PTPRA: variants seen among roughly 807,000 people sequenced by gnomAD.
PTPRA encodes the protein protein tyrosine phosphatase receptor type A.
In PTPRA, 25 loss-of-function variants were observed where a neutral mutation model predicts 104.8. That is an observed-to-expected ratio of 0.24 (90% CI 0.17 to 0.33). PTPRA has a LOEUF of 0.33. Among genes scored for constraint, PTPRA ranks in the 10% least tolerant of loss-of-function variants. PTPRA has a pLI of 1.00. For missense variants in PTPRA, 765 were observed against 1,015.3 expected (o/e 0.75, Z 3.35); for synonymous variants, 323 against 368.9 (o/e 0.88, Z 1.43).
At chr20:2,899,307 GAC>G (rs1196703840) in intron 1 of PTPRA, among the ~76,000 whole-genome samples, 1 of 152,166 alleles carries the variant, frequency 6.6e-6, no homozygotes, top group African/African-American at 2.4e-5. Context: ...AGGTATGAAT[GAC>G]ACAGAGAGGC....
intron 11 of PTPRA, among the ~76,000 whole-genome samples, chr20:3,011,438 A>G (rs1002138771): frequency 6.6e-6 from 1 of 152,212 alleles, no homozygotes; most frequent in Admixed American, 6.5e-5. Flanking sequence ...GTAATGTGCT[A>G]CGTGTGCAAA....
chr20:2,909,345 A>G (rs1168378557), intron 1 of PTPRA, among the ~76,000 whole-genome samples: 1 of 152,076 alleles, frequency 6.6e-6, no homozygotes. Context: ...TGTAAATCCC[A>G]GCACTTTGGG....
chr20:2,996,660 G>T (rs2063407111), intron 9 of PTPRA, among the ~76,000 whole-genome samples: 1 of 152,088 alleles, frequency 6.6e-6, no homozygotes, highest in South Asian at 2.1e-4. Flanking sequence ...AAACAATCCA[G>T]TCAAGAAACT....
At chr20:2,895,579 C>T (rs117393910) in intron 1 of PTPRA, among the ~76,000 whole-genome samples, 5,541 of 151,808 alleles carry the variant, frequency 0.037, 151 homozygotes, top group Admixed American at 0.077. Flanking sequence ...TGCAATGGCA[C>T]GATCCTGGCT....
intron 1 of PTPRA, among the ~76,000 whole-genome samples, chr20:2,911,449 G>GTGAA (rs1193664602): frequency 6.6e-6 from 1 of 152,180 alleles, no homozygotes; most frequent in East Asian, 1.9e-4. Flanking sequence ...GATGAACTAT[G>GTGAA]TGAAGCATGC....
chr20:2,983,595 A>G (rs1034468335), intron 6 of PTPRA, among the ~76,000 whole-genome samples: 3 of 150,458 alleles, frequency 2.0e-5, no homozygotes, highest in Admixed American at 6.6e-5. Flanking sequence ...AAAGGCAGAC[A>G]GATTTGAAGT....
intron 2 of PTPRA, among the ~76,000 whole-genome samples, chr20:2,940,328 T>TC (rs2060864211): frequency 6.6e-6 from 1 of 151,988 alleles, no homozygotes; most frequent in East Asian, 1.9e-4. Context: ...TTTTCTTTTT[T>TC]TTTTTTTTAA....
intron 11 of PTPRA, among the ~76,000 whole-genome samples, chr20:3,013,402 G>A (rs1278882760): frequency 6.8e-6 from 1 of 147,838 alleles, no homozygotes; most frequent in South Asian, 2.1e-4. Context: ...ATTTTTAGAT[G>A]TCTAAGAATA....
chr20:3,031,116 C>G (rs1208561215), intron 20 of PTPRA, among the ~76,000 whole-genome samples: 2 of 152,074 alleles, frequency 1.3e-5, no homozygotes, highest in African/African-American at 4.8e-5. Flanking sequence ...CTAGGCCTAG[C>G]CCAACCCTAG....
intron 20 of PTPRA, among the ~76,000 whole-genome samples, chr20:3,028,272 G>A (rs2065249067): frequency 6.6e-6 from 1 of 152,294 alleles, no homozygotes; most frequent in African/African-American, 2.4e-5. Flanking sequence ...TCCCTAAGAA[G>A]GGATTGCCTC....
intron 9 of PTPRA, among the ~76,000 whole-genome samples, chr20:2,990,341 C>T (rs2063115705): frequency 6.6e-6 from 1 of 152,186 alleles, no homozygotes; most frequent in Non-Finnish European, 1.5e-5. Context: ...GGAGACTTCT[C>T]TTGTCACATG....
At chr20:2,876,401 C>T (rs967208623) in intron 1 of PTPRA, among the ~76,000 whole-genome samples, 11 of 152,172 alleles carry the variant, frequency 7.2e-5, no homozygotes, top group African/African-American at 2.7e-4. Flanking sequence ...GACACTGTTG[C>T]TTTATAAATA....
intron 1 of PTPRA, among the ~76,000 whole-genome samples, chr20:2,911,421 A>C (rs2059718895): frequency 1.3e-5 from 2 of 152,222 alleles, no homozygotes. Context: ...GAGTTGTAGA[A>C]TTTGAAATTC....
chr20:2,895,008 A>G (rs1024168473), intron 1 of PTPRA, among the ~76,000 whole-genome samples: 1 of 149,344 alleles, frequency 6.7e-6, no homozygotes, highest in African/African-American at 2.4e-5. Context: ...AAAAAAAAGT[A>G]GTTTGTCTTT....
intron 2 of PTPRA, among the ~76,000 whole-genome samples, chr20:2,938,042 A>C (rs1024101628): frequency 6.6e-6 from 1 of 152,098 alleles, no homozygotes; most frequent in Non-Finnish European, 1.5e-5. Context: ...TCTGAGGCTG[A>C]GTGTGGTGGC....
chr20:2,882,345 A>G (rs1454485005), intron 1 of PTPRA, among the ~76,000 whole-genome samples: 1 of 147,670 alleles, frequency 6.8e-6, no homozygotes, highest in Non-Finnish European at 1.5e-5. Flanking sequence ...GCTGGAGTGC[A>G]GTGGCACCAT....
chr20:3,024,752 C>G, intron 17 of PTPRA, 131 bp downstream of exon 17: 1 of 1,116,454 alleles, frequency 9.0e-7, no homozygotes, highest in Non-Finnish European at 1.3e-6. Context: ...GGAGATGGTC[C>G]TTTCCTCGTA....
intron 9 of PTPRA, among the ~76,000 whole-genome samples, chr20:2,997,197 G>C (rs2063434292): frequency 6.6e-6 from 1 of 151,858 alleles, no homozygotes; most frequent in Non-Finnish European, 1.5e-5. Context: ...GTTTGGGTAT[G>C]TTAATGCTTT....
At chr20:2,919,976 G>T (rs983064253) in intron 1 of PTPRA, among the ~76,000 whole-genome samples, 1 of 152,158 alleles carries the variant, frequency 6.6e-6, no homozygotes, top group Non-Finnish European at 1.5e-5. Flanking sequence ...TTAGAATATA[G>T]CTATGCTGAA....
Sources: allele counts gnomAD v4.1 joint callset (sites outside exome capture counted in the v4.1 genomes callset), GRCh38; gene constraint gnomAD v4.1.1; transcripts MANE v1.5; gene names NCBI Gene and HGNC (gene_info 2026-07-23, HGNC 2026-07-21).